The following TTN variants were observed in gnomAD, a reference collection of about 807,000 sequenced individuals.
The protein encoded by TTN is titin, also known as connectin.
In TTN, 1,525 loss-of-function variants were observed where a neutral mutation model predicts 3,223.0. The observed-to-expected ratio is 0.47, with a 90% CI of 0.45 to 0.49. The LOEUF is 0.49. Among genes scored for constraint, TTN ranks in the 20% least tolerant of loss-of-function variants. The pLI, the probability that TTN is intolerant of heterozygous loss-of-function variation, is 0.00. For synonymous variants in TTN, 14,094 were observed against 15,161.0 expected (o/e 0.93, Z 5.17); for missense variants, 40,786 against 43,424.0 (o/e 0.94, Z 5.40).
At chr2:178,679,195 C>T (rs2068758827) in intron 142 of TTN, 144 bp downstream of exon 142, 4 of 793,954 alleles carry the variant, frequency 5.0e-6, no homozygotes, top group Non-Finnish European at 8.2e-6. Context: ...ACCGGGTAAA[C>T]TGCTCCTGTG....
intron 104 of TTN, 43 bp downstream of exon 104, chr2:178,704,834 A>G (rs2075598899): frequency 6.2e-7 from 1 of 1,608,838 alleles, no homozygotes; most frequent in South Asian, 1.1e-5. Flanking sequence ...AATAATACTC[A>G]ATAATAACTT....
rs1288820688 is a variant in TTN, at chr2:178,555,027, C to A, written c.88432G>T (p.Asp29478Tyr). The part of the protein sequence containing the change: ...PAPTIEWYKD[D>Y]KELQTNALVC... ...AGTGCATTGGTTTGTAATTCTTTAT[C>A]ATCTTTATACCACTCAATAGTAGGC... is the stretch of plus-strand genomic sequence containing the variant. The change falls in exon 331 of 363, where the codon GAT becomes TAT. Residue 29478 changes from aspartate (D) to tyrosine (Y), a missense_variant. Asp to Tyr is a radical substitution (Grantham distance 160, BLOSUM62 -3). Transcript: ENST00000589042. 6.2e-7 allele frequency: 1 copy of A among 1,613,552 alleles called. No homozygotes were observed. The highest frequency in any genetic ancestry group is 1.3e-5 in the African/African-American group (1 of 74,880).
chr2:178,664,192 T>C (rs2154259562), intron 168 of TTN, 94 bp from the exon 169 acceptor site: 1 of 1,274,028 alleles, frequency 7.8e-7, no homozygotes, highest in Admixed American at 2.5e-5. Context: ...TATTTTTTTC[T>C]CCTGAGCTGA....
In TTN at chr2:178,569,016, T is replaced by C. The variant is rs1707111978; in HGVS notation, c.77116A>G (p.Thr25706Ala). Residue 25706 changes from threonine (T) to alanine (A), a missense_variant, in exon 326 of 363, where the codon ACT becomes GCT. Coordinates refer to ENST00000589042, the MANE Select transcript of TTN (RefSeq NM_001267550.2). ...AEVPQPPGKI[T>A]VDDVTRNSVS... Reference sequence around the variant, plus strand: ...CTGTTTCTGGTGACATCATCCACAGTTATTTTTCCAGGAGGTTGTGGCACT... The same window carrying C: ...CTGTTTCTGGTGACATCATCCACAGCTATTTTTCCAGGAGGTTGTGGCACT... 1 of 1,613,316 alleles carries C rather than the reference T, an allele frequency of 6.2e-7. No homozygotes were observed.
chr2:178,609,030 C>G lies in TTN; in HGVS notation c.52103-122G>C, dbSNP rs2055629459. On this transcript the variant is annotated intron_variant, in intron 273 of 362. Coordinates refer to ENST00000589042, the MANE Select transcript of TTN (RefSeq NM_001267550.2). Reference sequence around the variant, plus strand: ...GTTTTCCCACATCTATCTTTGTATTCCATTAGCTAATAAATAACAAGATCA... The same window carrying G: ...GTTTTCCCACATCTATCTTTGTATTGCATTAGCTAATAAATAACAAGATCA... 5 of 1,330,984 alleles carry G rather than the reference C, an allele frequency of 3.8e-6. No homozygotes were observed. The African/African-American group carries it at 7.4e-5, about 20-fold the overall frequency. The allele number at this position is 1,330,984 out of a possible 1,614,324, so 82.4% of individuals were successfully genotyped here.
At chr2:178,650,053 G>C in intron 210 of TTN, 111 bp downstream of exon 210, 2 of 1,316,540 alleles carry the variant, frequency 1.5e-6, no homozygotes, top group Non-Finnish European at 2.1e-6. Context: ...TCTTAATGTA[G>C]TCAGATTTCA....
rs957178236 is a variant in TTN at position 178,777,747 on chromosome 2, C to T, written c.4437G>A (p.Lys1479=). 11 of 1,614,044 alleles carry T rather than the reference C, an allele frequency of 6.8e-6. No homozygotes were observed. The highest frequency in any genetic ancestry group is 9.3e-6 in the Non-Finnish European group (11 of 1,179,952). ...LEGQTARFDL[K]VVGRPMPETF... ...TCTCTGGCATAGGTCTACCAACAAC[C>T]TTTAAGTCAAATCTGGCAGTTTGCC... The change falls in exon 25 of 363, where the codon AAG becomes AAA. Residue 1479 remains lysine (K), a synonymous_variant. Transcript: ENST00000589042.
At position 178,542,936 on chromosome 2, in the gene TTN, G is replaced by A. The variant is rs72648266; in HGVS notation, c.96918C>T (p.Ile32306=). 6.7e-4 allele frequency: 1,065 copies of A among 1,600,670 alleles called. No individual in the cohort carries two copies. Among genetic ancestry groups the A allele is most frequent in the Middle Eastern group, 1.8e-3 (11 of 6,028 alleles). The change falls in exon 348 of 363, where the codon ATC becomes ATT. Residue 32306 remains isoleucine (I), a synonymous_variant. Transcript: ENST00000589042. ...TVQDLRVLPT[I]DLSTMPQKTI... ...TCTTCTGAGGCATTGTAGAAAGATC[G>A]ATTGTTGGCAACACTATGGGAAAGA...
At chr2:178,756,155 A>G (rs1353056690) in intron 46 of TTN, 67 bp downstream of exon 46, 36 of 1,181,930 alleles carry the variant, frequency 3.0e-5, no homozygotes, top group Non-Finnish European at 4.1e-5. Flanking sequence ...TTGAATTTGC[A>G]TGGCAGAAAA....
At position 178,723,218 on chromosome 2, in the gene TTN, C is replaced by G. The variant is rs377544260; in HGVS notation, c.21789G>C (p.Trp7263Cys). ...YTGTLPISVT[W>C]KKDGFNITTS... Reference sequence around the variant, plus strand: ...TAGTTATGTTAAAACCATCCTTTTTCCAAGTGACAGAAATTGGAAGTGTTC... The same window carrying G: ...TAGTTATGTTAAAACCATCCTTTTTGCAAGTGACAGAAATTGGAAGTGTTC... Residue 7263 changes from tryptophan (W) to cysteine (C), a missense_variant, in exon 75 of 363, where the codon TGG becomes TGC. By Grantham distance (215) the Trp-to-Cys change is radical. Transcript: ENST00000589042. 8.7e-6 allele frequency: 14 copies of G among 1,613,358 alleles called. No individual in the cohort carries two copies. The African/African-American group carries it at 1.9e-4, about 22-fold the overall frequency.
In TTN at chr2:178,583,966, A is replaced by G. The variant is rs953866398; in HGVS notation, c.65276-60T>C. On this transcript the variant is annotated intron_variant, in intron 311 of 362. Coordinates refer to ENST00000589042, the MANE Select transcript of TTN (RefSeq NM_001267550.2). ...TACCAGCAGAAGTTTAAACTTCCAT[A>G]TTTCACATTATCATCCCTGCTGCTA... 10 of 1,417,272 alleles carry G rather than the reference A, an allele frequency of 7.1e-6. No homozygotes were observed. The South Asian group carries it at 1.4e-4, about 20-fold the overall frequency. The allele number at this position is 1,417,272 out of a possible 1,614,324, so 87.8% of individuals were successfully genotyped here.
Position 178,731,347 on chromosome 2 carries a change from C to A in TTN, c.17419G>T (p.Asp5807Tyr), listed in dbSNP as rs548385039. The change falls in exon 59 of 363, where the codon GAT (aspartate) becomes TAT (tyrosine). Residue 5807 changes from aspartate to tyrosine, a missense_variant. Asp to Tyr is a radical substitution (Grantham distance 160, BLOSUM62 -3). Coordinates refer to ENST00000589042, the MANE Select transcript of TTN (RefSeq NM_001267550.2). The stretch of plus-strand genomic sequence containing the variant: ...GCAGAACATCTTTGTATTCCTGCAT[C>A]ATTTTTGGCCTGACAGACATATTTC... ...DGKYVCQAKN[D>Y]AGIQRCSALL... 5.0e-6 allele frequency: 8 copies of A among 1,613,704 alleles called. No homozygotes were observed. Among genetic ancestry groups the A allele is most frequent in the Non-Finnish European group, 6.8e-6 (8 of 1,179,786 alleles).
rs779125886 is a variant in TTN at position 178,774,357 on chromosome 2, C to G, written c.6907G>C (p.Asp2303His). 1.3e-5 allele frequency: 21 copies of G among 1,614,092 alleles called. No homozygotes were observed. The highest frequency in any genetic ancestry group is 1.8e-5 in the Non-Finnish European group (21 of 1,179,970). The change falls in exon 30 of 363, where the codon GAT becomes CAT. Residue 2303 changes from aspartate to histidine, a missense_variant. By Grantham distance (81) the Asp-to-His change is moderately conservative. Coordinates refer to ENST00000589042, the MANE Select transcript of TTN (RefSeq NM_001267550.2). ...ENIEGKWYHNDVELKSNGKYT... is the reference protein window; with the variant it reads ...ENIEGKWYHNHVELKSNGKYT... Reference sequence around the variant, plus strand: ...TTGCCATTGGATTTAAGCTCCACATCATTATGATACCATTTTCCTTCTATA... The same window carrying G: ...TTGCCATTGGATTTAAGCTCCACATGATTATGATACCATTTTCCTTCTATA...
chr2:178,607,747 G>A (rs779260299), intron 276 of TTN, 38 bp downstream of exon 276: 6 of 1,611,982 alleles, frequency 3.7e-6, no homozygotes, highest in Non-Finnish European at 5.1e-6. Flanking sequence ...CCCATATAGA[G>A]AAAATATCCA....
rs747705578 is a variant in TTN, at chr2:178,693,955, C to G, written c.31480G>C (p.Ala10494Pro). Reference sequence around the variant, plus strand: ...GACACCTCCTCCTCTGTGTGAGAAGCAAAGAACATCTTTTCTTCTGAAATA... The same window carrying G: ...GACACCTCCTCCTCTGTGTGAGAAGGAAAGAACATCTTTTCTTCTGAAATA... ...MVISEEKMFF[A>P]SHTEEEVSVT... The change falls in exon 118 of 363, where the codon GCT becomes CCT. Residue 10494 changes from alanine (A) to proline (P), a missense_variant. Transcript: ENST00000589042. 6.2e-7 allele frequency: 1 copy of G among 1,612,894 alleles called. No homozygotes were observed. Among genetic ancestry groups the G allele is most frequent in the African/African-American group, 1.3e-5 (1 of 74,904 alleles).
Position 178,529,002 on chromosome 2 carries a change from G to C in TTN, c.106749C>G (p.Ser35583=). The stretch of plus-strand genomic sequence containing the variant: ...CCTCATGGACAATGGATTTTTCCAG[G>C]GAGGTTGCTGCTGATTTCTTGACTT... ...SEEVKKSAAT[S]LEKSIVHEEI... Residue 35583 remains serine (S), a synonymous_variant, in exon 360 of 363, where the codon TCC becomes TCG. Coordinates refer to ENST00000589042, the MANE Select transcript of TTN (RefSeq NM_001267550.2). 3.7e-6 allele frequency: 6 copies of C among 1,613,934 alleles called. No individual in the cohort carries two copies. The highest frequency in any genetic ancestry group is 5.1e-6 in the Non-Finnish European group (6 of 1,179,866).
At chr2:178,800,116 T>A (rs2093984646) in intron 4 of TTN, among the ~76,000 whole-genome samples, 1 of 152,222 alleles carries the variant, frequency 6.6e-6, no homozygotes, top group Non-Finnish European at 1.5e-5. Context: ...CTTAGAATGA[T>A]TTTTTAAAAT....
In TTN at chr2:178,607,926, C is replaced by G; in HGVS notation, c.52861G>C (p.Glu17621Gln). Residue 17621 changes from glutamate (E) to glutamine (Q), a missense_variant, in exon 276 of 363, where the codon GAG (glutamate) becomes CAG (glutamine). Coordinates refer to ENST00000589042, the MANE Select transcript of TTN (RefSeq NM_001267550.2). The stretch of plus-strand genomic sequence containing the variant: ...TACTGACGGACCTTGATCATCTTCT[C>G]TGTGCAGCGTGACCATTCATTTGTG... ...VGTNEWSRCT[E>Q]KMIKVRQYTV... 3 of 1,613,040 alleles carry G rather than the reference C, an allele frequency of 1.9e-6. No individual in the cohort carries two copies. Among genetic ancestry groups the G allele is most frequent in the Non-Finnish European group, 1.7e-6 (2 of 1,179,308 alleles).
chr2:178,686,228 C>A (rs1165866359), intron 127 of TTN, among the ~76,000 whole-genome samples: 3 of 136,116 alleles, frequency 2.2e-5, no homozygotes, highest in Non-Finnish European at 3.0e-5. Flanking sequence ...TCACGCCATT[C>A]TCCTGCCTCA....
Sources: allele counts gnomAD v4.1 joint callset (sites outside exome capture counted in the v4.1 genomes callset), GRCh38; gene constraint gnomAD v4.1.1; transcripts MANE v1.5; gene names NCBI Gene and HGNC (gene_info 2026-07-23, HGNC 2026-07-21).